ZNF718: variants seen among roughly 807,000 people sequenced by gnomAD.
ZNF718 encodes the protein zinc finger protein 718.
ZNF718 carries 3 observed loss-of-function variants against 2.6 expected under a neutral mutation model. The observed-to-expected ratio is 1.16, with a 90% CI of 0.53 to 3.01. The LOEUF is 3.01. ZNF718 is among the 30% of genes most tolerant of loss of function. The probability of loss-of-function intolerance (pLI) is 0.03; values close to 1 mark genes in which losing one functional copy is unlikely to be tolerated. For synonymous variants in ZNF718, 135 were observed against 77.9 expected (o/e 1.73, Z -3.86); for missense variants, 468 against 230.0 (o/e 2.03, Z -6.69).
intron 3 of ZNF718, among the ~76,000 whole-genome samples, chr4:154,523 G>T (rs1225308831): frequency 6.6e-6 from 1 of 152,152 alleles, no homozygotes; most frequent in African/African-American, 2.4e-5. Context: ...CTTGGGAAAT[G>T]CAGTAAAGGT....
intron 3 of ZNF718, among the ~76,000 whole-genome samples, chr4:184,523 C>T (rs1205495918): frequency 2.6e-5 from 4 of 152,072 alleles, no homozygotes; most frequent in Non-Finnish European, 5.9e-5. Flanking sequence ...ATGCTGGCCT[C>T]ATAGAATGCC....
chr4:141,800 C>G (rs886868714), intron 3 of ZNF718, among the ~76,000 whole-genome samples: 6 of 152,004 alleles, frequency 3.9e-5, no homozygotes, highest in Admixed American at 3.9e-4. Flanking sequence ...ACAAGTAAAA[C>G]AAAAATTAAA....
chr4:170,348 G>A (rs1717196221), intron 3 of ZNF718, among the ~76,000 whole-genome samples: 1 of 152,158 alleles, frequency 6.6e-6, no homozygotes, highest in Non-Finnish European at 1.5e-5. Flanking sequence ...CTCTTGAGGA[G>A]TATCTTTGTG....
At chr4:187,793 T>TTCAGCC (rs1365337074) in intron 3 of ZNF718, among the ~76,000 whole-genome samples, 1 of 152,130 alleles carries the variant, frequency 6.6e-6, no homozygotes, top group African/African-American at 2.4e-5. Context: ...GGGGGATTTG[T>TTCAGCC]TCAGCCCCCA....
Position 162,778 on chromosome 4 carries a change from A to T in ZNF718, c.*656A>T, listed in dbSNP as rs1407290374. The T allele has an allele frequency of 6.6e-6, 1 of 152,206 alleles. No individual in the cohort carries two copies. The highest frequency in any genetic ancestry group is 1.5e-5 in the Non-Finnish European group (1 of 68,020). The allele number at this position is 152,206 out of a possible 1,614,324, so 9.4% of individuals were successfully genotyped here. A position where few individuals can be genotyped will look rare whatever the true frequency, so the allele number is the denominator to read the frequency against. On this transcript the variant is annotated 3_prime_UTR_variant, in exon 4 of 4. Transcript: ENST00000510175. ...TAAATTTGGAAAAGCATTTGTTCAA[A>T]AACTATAGCTTAAAAAAAACCAGTT...
At chr4:185,880 A>G (rs977719969) in intron 3 of ZNF718, among the ~76,000 whole-genome samples, 1 of 152,008 alleles carries the variant, frequency 6.6e-6, no homozygotes, top group Non-Finnish European at 1.5e-5. Flanking sequence ...TTTTGAGCCT[A>G]TGTGTGTCTT....
chr4:157,893 G>T (rs542215270), intron 3 of ZNF718, among the ~76,000 whole-genome samples: 1 of 152,122 alleles, frequency 6.6e-6, no homozygotes, highest in East Asian at 1.9e-4. Flanking sequence ...TATGAATATT[G>T]TCTTTTTGTT....
chr4:146,768 G>T (rs929291422), intron 3 of ZNF718, among the ~76,000 whole-genome samples: 45 of 146,298 alleles, frequency 3.1e-4, no homozygotes, highest in African/African-American at 1.1e-3. Flanking sequence ...TACGTTTGCT[G>T]GGGTGTTTTT....
At chr4:124,756 T>C (rs116009033) in intron 1 of ZNF718, 83 bp downstream of exon 1, 33,810 of 1,562,998 alleles carry the variant, frequency 0.022, 668 homozygotes, top group South Asian at 0.08. Flanking sequence ...GAGGAGTCTG[T>C]GAATGGAGTT....
chr4:138,112 C>T (rs553984280), intron 3 of ZNF718, among the ~76,000 whole-genome samples: 50 of 152,276 alleles, frequency 3.3e-4, no homozygotes, highest in African/African-American at 1.1e-3. Flanking sequence ...TATTCATTAC[C>T]TCAAGTGTTT....
chr4:180,575 C>T (rs1415064640), intron 3 of ZNF718, among the ~76,000 whole-genome samples: 2 of 152,180 alleles, frequency 1.3e-5, no homozygotes, highest in African/African-American at 2.4e-5. Flanking sequence ...CAGGACCTTC[C>T]AGGTATTCAT....
intron 3 of ZNF718, among the ~76,000 whole-genome samples, chr4:147,505 A>T (rs1716119097): frequency 6.6e-6 from 1 of 152,164 alleles, no homozygotes; most frequent in South Asian, 2.1e-4. Context: ...TGCTTGGCAG[A>T]CCTGTAATCA....
chr4:137,947 T>C (rs1715646022), intron 3 of ZNF718, among the ~76,000 whole-genome samples: 1 of 152,254 alleles, frequency 6.6e-6, no homozygotes, highest in Admixed American at 6.5e-5. Flanking sequence ...TTATGCTTCT[T>C]ACATTTAAAT....
In ZNF718 at chr4:195,044, G is replaced by C. The variant is rs1553821826; in HGVS notation, c.227-6037G>C. On this transcript the variant is annotated intron_variant and NMD_transcript_variant, in intron 3 of 4. Coordinates refer to the ZNF718 transcript ENST00000642529. ...GGGTCCAGGCTGCTGGATTCTAGTG[G>C]TCCTTTACCAGAGTGCCCAACATTG... is the stretch of plus-strand genomic sequence containing the variant. 2.6e-5 allele frequency among the ~76,000 whole-genome samples: 4 copies of C among 152,256 alleles called. No individual in the cohort carries two copies. The East Asian group carries it at 5.8e-4, about 22-fold the overall frequency.
chr4:179,052 ATT>A (rs1717404993), intron 3 of ZNF718, among the ~76,000 whole-genome samples: 2 of 152,238 alleles, frequency 1.3e-5, no homozygotes, highest in South Asian at 4.1e-4. Flanking sequence ...TGTGTAAAAT[ATT>A]TTCTTTGCAT....
At chr4:191,384 T>G (rs782401581) in intron 3 of ZNF718, among the ~76,000 whole-genome samples, 2 of 152,018 alleles carry the variant, frequency 1.3e-5, no homozygotes, top group Non-Finnish European at 2.9e-5. Context: ...ACTCCTGACC[T>G]TAGGTGATCC....
chr4:159,097 C>T (rs1230253400), intron 3 of ZNF718, among the ~76,000 whole-genome samples: 1 of 147,968 alleles, frequency 6.8e-6, no homozygotes, highest in African/African-American at 2.5e-5. Flanking sequence ...AGTGCAGTGG[C>T]GCGATCTTGG....
exon 5 of ZNF718, chr4:202,203 A>G (rs1717915377): frequency 6.6e-6 from 1 of 152,196 alleles, no homozygotes; most frequent in African/African-American, 2.4e-5. Flanking sequence ...ATTCTCTCAT[A>G]TCTGCTGCCA....
Position 163,271 on chromosome 4 carries a change from T to A in ZNF718, c.*1149T>A, listed in dbSNP as rs112758386. ...CGGGATCTCGGCTCACTGCAAGCTC[T>A]GCCTCCCCCTGGGTTCACGCCATTC... On this transcript the variant is annotated 3_prime_UTR_variant, in exon 4 of 4. Coordinates refer to ENST00000510175, the MANE Select transcript of ZNF718 (RefSeq NM_001039127.6). The A allele has an allele frequency of 2.0e-5, 3 of 151,872 alleles. No individual in the cohort carries two copies. Among genetic ancestry groups the A allele is most frequent in the African/African-American group, 7.3e-5 (3 of 41,326 alleles). 9.4% of individuals were successfully genotyped at this position (151,872 alleles called of 1,614,324 possible).
Sources: gnomAD v4.1 joint callset for allele counts (sites outside exome capture counted in the v4.1 genomes callset) on GRCh38, gnomAD v4.1.1 for gene constraint, MANE v1.5 for transcripts, NCBI Gene and HGNC (gene_info 2026-07-23, HGNC 2026-07-21) for gene names.